RPIA: variants seen among roughly 807,000 people sequenced by gnomAD.
RPIA encodes the protein ribose 5-phosphate isomerase A, also known as ribose-5-phosphate isomerase.
Under a neutral mutation model 37.8 loss-of-function variants are expected in RPIA, and 29 were observed. The ratio of observed to expected loss-of-function variants is 0.77; its 90% CI spans 0.57 to 1.05. RPIA has a LOEUF of 1.05. Among genes scored for constraint, RPIA ranks in the 50% least tolerant of loss-of-function variants. RPIA has a pLI of 0.00. For missense variants in RPIA, 385 were observed against 413.6 expected (o/e 0.93, Z 0.60); for synonymous variants, 167 against 157.0 (o/e 1.06, Z -0.48).
intron 3 of RPIA, among the ~76,000 whole-genome samples, chr2:88,715,478 A>C (rs1673022685): frequency 1.3e-5 from 2 of 152,248 alleles, no homozygotes. Flanking sequence ...CTAATGTCAG[A>C]AATTCTATCT....
chr2:88,749,010 AG>A (rs1322156769), intron 8 of RPIA, among the ~76,000 whole-genome samples: 1 of 152,230 alleles, frequency 6.6e-6, no homozygotes, highest in Non-Finnish European at 1.5e-5. Flanking sequence ...CTGGGATTAT[AG>A]GCATGAGCCA....
intron 8 of RPIA, among the ~76,000 whole-genome samples, chr2:88,745,235 T>C (rs936152661): frequency 3.3e-5 from 5 of 152,136 alleles, no homozygotes; most frequent in African/African-American, 1.2e-4. Context: ...GCCTGGCCCA[T>C]TGTGTACCTT....
chr2:88,709,498 G>A (rs576790281), intron 3 of RPIA, among the ~76,000 whole-genome samples: 78 of 152,268 alleles, frequency 5.1e-4, no homozygotes, highest in African/African-American at 1.8e-3. Flanking sequence ...GCCAATTGTG[G>A]GTGACTGTTT....
Position 88,738,039 on chromosome 2 carries a change from A to G in RPIA, c.801A>G (p.Lys267=). 1 of 1,614,022 alleles carries G rather than the reference A, an allele frequency of 6.2e-7. No individual in the cohort carries two copies. The highest frequency in any genetic ancestry group is 8.5e-7 in the Non-Finnish European group (1 of 1,179,912). The part of the protein sequence containing the change: ...ILDWKFDRVH[K]WSEVNTAIKM... ...ACTGGAAGTTTGACCGGGTACACAA[A>G]TGGAGTGAAGTGAATACAGCTATCA... Residue 267 remains lysine (K), a synonymous_variant, in exon 8 of 9, where the codon AAA becomes AAG. Coordinates refer to ENST00000283646, the MANE Select transcript of RPIA (RefSeq NM_144563.3).
At chr2:88,735,928 A>G (rs1333985097) in intron 6 of RPIA, among the ~76,000 whole-genome samples, 191 bp downstream of exon 6, 1 of 152,192 alleles carries the variant, frequency 6.6e-6, no homozygotes, top group Non-Finnish European at 1.5e-5. Context: ...GATGTTGCTA[A>G]TCACAGCACT....
At chr2:88,734,431 A>G (rs1673290451) in intron 4 of RPIA, 121 bp from the exon 5 acceptor site, 6 of 907,028 alleles carry the variant, frequency 6.6e-6, no homozygotes, top group Middle Eastern at 2.2e-4. Context: ...GATTTGCTAA[A>G]TGGGAGTACT....
chr2:88,691,982 G>A lies in RPIA; in HGVS notation c.284G>A (p.Arg95Lys), dbSNP rs1244230526. 3 of 1,586,266 alleles carry A rather than the reference G, an allele frequency of 1.9e-6. No individual in the cohort carries two copies. The highest frequency in any genetic ancestry group is 2.6e-6 in the Non-Finnish European group (3 of 1,167,742). Residue 95 changes from arginine (R) to lysine (K), a missense_variant and splice_region_variant, in exon 1 of 9, where the codon AGG becomes AAG. This residue lies in a region of RPIA where 232 missense variants were observed against 203.0 expected (regional missense o/e 1.14). Transcript: ENST00000283646. ...AGRAAVENHVRNNQVLGIGSG... is the reference protein window; with the variant it reads ...AGRAAVENHVKNNQVLGIGSG... ...CGCGCGGCTGTGGAGAACCACGTGA[G>A]GGTGAGCACTTCGAAACGTGGGGCG...
At chr2:88,730,347 T>C (rs1673250384) in intron 4 of RPIA, among the ~76,000 whole-genome samples, 3 of 105,872 alleles carry the variant, frequency 2.8e-5, no homozygotes, top group African/African-American at 7.6e-5. Context: ...GCAAACCGAA[T>C]CCAGTTGCAC....
chr2:88,741,267 G>A (rs1369206804), intron 8 of RPIA, among the ~76,000 whole-genome samples: 4 of 151,926 alleles, frequency 2.6e-5, no homozygotes, highest in East Asian at 1.9e-4. Flanking sequence ...ACACCTTTGC[G>A]TCCTCATAGC....
At chr2:88,735,302 A>G (rs1673301496) in intron 5 of RPIA, among the ~76,000 whole-genome samples, 1 of 152,150 alleles carries the variant, frequency 6.6e-6, no homozygotes, top group Non-Finnish European at 1.5e-5. Context: ...CCTCATTGGC[A>G]AGTAGTCGAC....
At position 88,738,075 on chromosome 2, in the gene RPIA, A is replaced by G; in HGVS notation, c.837A>G (p.Pro279=). The part of the protein sequence containing the change: ...SEVNTAIKMI[P]GVVDTGLFIN... ...TGAATACAGCTATCAAAATGATCCC[A>G]GGTAACATGAGTGGTGTTCACCAGT... The change falls in exon 8 of 9, where the codon CCA becomes CCG. Residue 279 remains proline, a splice_region_variant and synonymous_variant. Coordinates refer to ENST00000283646, the MANE Select transcript of RPIA (RefSeq NM_144563.3). The G allele has an allele frequency of 6.2e-7, 1 of 1,608,802 alleles. No homozygotes were observed. The highest frequency in any genetic ancestry group is 8.5e-7 in the Non-Finnish European group (1 of 1,175,144).
chr2:88,720,867 A>G (rs1673112456), intron 3 of RPIA, among the ~76,000 whole-genome samples: 2 of 152,174 alleles, frequency 1.3e-5, no homozygotes, highest in South Asian at 2.1e-4. Context: ...ATTACTGGGT[A>G]TATACCCAAA....
intron 1 of RPIA, among the ~76,000 whole-genome samples, chr2:88,695,745 C>T (rs189576244): frequency 3.3e-5 from 5 of 152,238 alleles, no homozygotes; most frequent in African/African-American, 1.2e-4. Context: ...TGACCTAGTG[C>T]GAGCCCTGTT....
chr2:88,720,095 C>G (rs1673100674), intron 3 of RPIA, among the ~76,000 whole-genome samples: 1 of 152,092 alleles, frequency 6.6e-6, no homozygotes, highest in Admixed American at 6.6e-5. Context: ...GATGATGAGG[C>G]TTTAATTACT....
At chr2:88,713,346 C>CTTT (rs1208500645) in intron 3 of RPIA, among the ~76,000 whole-genome samples, 1 of 151,464 alleles carries the variant, frequency 6.6e-6, no homozygotes, top group African/African-American at 2.4e-5. Context: ...CTTTATGCGA[C>CTTT]TTTTCCTCAG....
chr2:88,744,964 T>C (rs963517820), intron 8 of RPIA, among the ~76,000 whole-genome samples: 6 of 152,168 alleles, frequency 3.9e-5, no homozygotes, highest in Non-Finnish European at 7.4e-5. Context: ...TGTGTATCTT[T>C]TTATTTTTTT....
At chr2:88,699,349 A>T (rs766228329) in intron 2 of RPIA, among the ~76,000 whole-genome samples, 3 of 151,966 alleles carry the variant, frequency 2.0e-5, no homozygotes, top group African/African-American at 7.3e-5. Context: ...CCCAAGATGC[A>T]CTCAGTGATT....
chr2:88,737,293 C>T (rs776288049), intron 7 of RPIA, among the ~76,000 whole-genome samples: 7 of 152,188 alleles, frequency 4.6e-5, no homozygotes, highest in African/African-American at 1.4e-4. Context: ...TATGTAACTA[C>T]GTAAACATTT....
intron 3 of RPIA, among the ~76,000 whole-genome samples, chr2:88,709,801 C>A (rs888513894): frequency 1.3e-5 from 2 of 152,212 alleles, no homozygotes; most frequent in Non-Finnish European, 2.9e-5. Context: ...GTTAGAGCAG[C>A]CTTTGGCTGC....
Sources: gnomAD v4.1 joint callset for allele counts (sites outside exome capture counted in the v4.1 genomes callset) on GRCh38, gnomAD v4.1.1 for gene constraint, gnomAD v4.1.1 regional missense constraint, MANE v1.5 for transcripts, NCBI Gene and HGNC (gene_info 2026-07-23, HGNC 2026-07-21) for gene names.